The following NT5M variants were observed in gnomAD, a reference collection of about 807,000 sequenced individuals.
The protein encoded by NT5M is 5'(3')-deoxyribonucleotidase, mitochondrial.
Under a neutral mutation model 22.2 loss-of-function variants are expected in NT5M, and 22 were observed. That is an observed-to-expected ratio of 0.99 (90% confidence interval 0.71 to 1.41). The LOEUF (loss-of-function observed/expected upper bound fraction) is 1.41, where lower values mean the gene tolerates loss of function less well. Ranked by LOEUF, NT5M falls within the 40% of genes most tolerant of loss-of-function variation. NT5M has a pLI of 0.00. For synonymous variants in NT5M, 167 were observed against 133.0 expected (o/e 1.26, Z -1.76); for missense variants, 322 against 314.8 (o/e 1.02, Z -0.17).
intron 2 of NT5M, among the ~76,000 whole-genome samples, chr17:17,312,099 T>C (rs1229202757): frequency 6.6e-6 from 1 of 152,130 alleles, no homozygotes; most frequent in Admixed American, 6.5e-5. Context: ...TTCAGTAAAA[T>C]GGAGATAAGG....
intron 2 of NT5M, among the ~76,000 whole-genome samples, chr17:17,314,705 C>T (rs552342732): frequency 8.5e-5 from 13 of 152,310 alleles, no homozygotes; most frequent in African/African-American, 2.2e-4. Context: ...GCTCCTGTCA[C>T]GCTGGCTTCT....
intron 2 of NT5M, among the ~76,000 whole-genome samples, chr17:17,321,179 G>A (rs1186988564): frequency 1.3e-5 from 2 of 151,396 alleles, no homozygotes; most frequent in Non-Finnish European, 2.9e-5. Flanking sequence ...GTGCCAGCAC[G>A]TGTTTGAATG....
chr17:17,316,091 G>C (rs1205894557), intron 2 of NT5M, among the ~76,000 whole-genome samples: 1 of 133,870 alleles, frequency 7.5e-6, no homozygotes, highest in African/African-American at 2.9e-5. Flanking sequence ...ATCTCACTCT[G>C]TCCCCCAGGC....
At chr17:17,312,204 G>A (rs949988622) in intron 2 of NT5M, among the ~76,000 whole-genome samples, 4 of 152,314 alleles carry the variant, frequency 2.6e-5, no homozygotes, top group Middle Eastern at 3.4e-3. Flanking sequence ...TAGGCATATC[G>A]CAAGAAAGGC....
chr17:17,305,090 C>T (rs963638889), intron 1 of NT5M, among the ~76,000 whole-genome samples: 6 of 152,082 alleles, frequency 3.9e-5, no homozygotes, highest in African/African-American at 1.2e-4. Context: ...CATTTATAGG[C>T]AGCGCTCGGC....
chr17:17,323,116 A>G, intron 2 of NT5M, 69 bp from the exon 3 acceptor site: 1 of 1,213,836 alleles, frequency 8.2e-7, no homozygotes, highest in Non-Finnish European at 1.2e-6. Flanking sequence ...AAGGCAGGGC[A>G]GGTGGTGAAG....
rs141920084 is a variant in NT5M at position 17,340,755 on chromosome 17, G to C, written c.430-4039G>C. Among the ~76,000 whole-genome samples, 1,139 of 152,188 alleles carry C rather than the reference G, an allele frequency of 7.5e-3. 10 individuals carry two copies. The highest frequency in any genetic ancestry group is 0.025 in the African/African-American group (1,055 of 41,524). On this transcript the variant is annotated intron_variant, in intron 3 of 4. Coordinates refer to ENST00000389022, the MANE Select transcript of NT5M (RefSeq NM_020201.4). ...TTGGCCAGGCTGGTCTTGATCTCCT[G>C]ACCTTGTGATCTGCCCGCCTTGGCC...
At position 17,303,421 on chromosome 17, in the gene NT5M, C is replaced by G; in HGVS notation, c.-130C>G. The G allele has an allele frequency of 1.0e-6, 1 of 982,446 alleles. No individual in the cohort carries two copies. The highest frequency in any genetic ancestry group is 1.2e-6 in the Non-Finnish European group (1 of 824,918). The allele number at this position is 982,446 out of a possible 1,614,324, so 60.9% of individuals were successfully genotyped here. On this transcript the variant is annotated 5_prime_UTR_variant, in exon 1 of 5. Coordinates refer to ENST00000389022, the MANE Select transcript of NT5M (RefSeq NM_020201.4). ...CCCGCACCCCGCGCTCCCCGCCCCG[C>G]TCCCCGTCCCGCGCTCCACGCGCGC...
intron 2 of NT5M, among the ~76,000 whole-genome samples, chr17:17,312,644 CAA>C (rs35712658): frequency 1.1e-4 from 12 of 107,314 alleles, no homozygotes; most frequent in African/African-American, 1.5e-4. Context: ...AACTCCATCT[CAA>C]AAAAAAAAAA....
At chr17:17,317,633 G>A (rs2145354871) in intron 2 of NT5M, among the ~76,000 whole-genome samples, 1 of 152,226 alleles carries the variant, frequency 6.6e-6, no homozygotes, top group South Asian at 2.1e-4. Flanking sequence ...ATATAAAACA[G>A]TGCAGCCAGT....
intron 3 of NT5M, among the ~76,000 whole-genome samples, chr17:17,330,038 C>T (rs987115715): frequency 5.9e-5 from 9 of 151,902 alleles, no homozygotes; most frequent in Non-Finnish European, 1.3e-4. Context: ...TGGTGGCTCA[C>T]GCCTGTAATC....
Position 17,347,094 on chromosome 17 carries a change from C to T in NT5M, c.*147C>T. Reference sequence around the variant, plus strand: ...GCTGCATGTCCCTTCCCTTCCCCAGCCCTGCCAGGCCTTAACCTGATCACG... The same window carrying T: ...GCTGCATGTCCCTTCCCTTCCCCAGTCCTGCCAGGCCTTAACCTGATCACG... On this transcript the variant is annotated 3_prime_UTR_variant, in exon 5 of 5. Transcript: ENST00000389022. 9.7e-7 allele frequency: 1 copy of T among 1,035,748 alleles called. No homozygotes were observed. The highest frequency in any genetic ancestry group is 1.4e-6 in the Non-Finnish European group (1 of 730,220). 64.2% of individuals were successfully genotyped at this position (1,035,748 alleles called of 1,614,324 possible).
chr17:17,332,748 T>A (rs992978514), intron 3 of NT5M, among the ~76,000 whole-genome samples: 1 of 152,144 alleles, frequency 6.6e-6, no homozygotes, highest in African/African-American at 2.4e-5. Context: ...CCCACCAGTG[T>A]GCACATTATT....
intron 2 of NT5M, among the ~76,000 whole-genome samples, chr17:17,318,570 G>A (rs958699039): frequency 1.3e-4 from 20 of 150,254 alleles, no homozygotes; most frequent in African/African-American, 4.9e-4. Context: ...CGGATCATCT[G>A]AGGTCCGGAG....
At chr17:17,304,697 G>C (rs867084391) in intron 1 of NT5M, among the ~76,000 whole-genome samples, 14 of 152,236 alleles carry the variant, frequency 9.2e-5, no homozygotes, top group Middle Eastern at 3.4e-3. Flanking sequence ...CTGTTTTCCA[G>C]ATGAGGAAAC....
chr17:17,342,572 C>T (rs1303518564), intron 3 of NT5M, among the ~76,000 whole-genome samples: 1 of 152,228 alleles, frequency 6.6e-6, no homozygotes, highest in Non-Finnish European at 1.5e-5. Context: ...CCTGACCCTT[C>T]TCTTCCCACA....
chr17:17,340,429 T>C (rs1039417375), intron 3 of NT5M, among the ~76,000 whole-genome samples: 1 of 152,174 alleles, frequency 6.6e-6, no homozygotes, highest in African/African-American at 2.4e-5. Flanking sequence ...AAACCAACTT[T>C]TTGTTTCTTT....
In NT5M at chr17:17,303,455, T is replaced by G. The variant is rs1220672441; in HGVS notation, c.-96T>G. 10 of 999,904 alleles carry G rather than the reference T, an allele frequency of 1.0e-5. No individual in the cohort carries two copies. The highest frequency in any genetic ancestry group is 6.0e-5 in the Admixed American group (1 of 16,804). The allele number at this position is 999,904 out of a possible 1,614,324, so 61.9% of individuals were successfully genotyped here. A position where few individuals can be genotyped will look rare whatever the true frequency, so the allele number is the denominator to read the frequency against. The stretch of plus-strand genomic sequence containing the variant: ...CCGCGCTCCACGCGCGCCCCAGCGT[T>G]GGGGGCTTCTCCTCCGCGGCGGGAA... On this transcript the variant is annotated 5_prime_UTR_variant, in exon 1 of 5. Transcript: ENST00000389022.
intron 2 of NT5M, among the ~76,000 whole-genome samples, chr17:17,315,887 G>T (rs1394475812): frequency 6.6e-6 from 1 of 151,556 alleles, no homozygotes; most frequent in Non-Finnish European, 1.5e-5. Context: ...AAGTAGCTGG[G>T]ACTACAGGCA....
Sources: allele counts gnomAD v4.1 joint callset (sites outside exome capture counted in the v4.1 genomes callset), GRCh38; gene constraint gnomAD v4.1.1; transcripts MANE v1.5; gene names NCBI Gene and HGNC (gene_info 2026-07-23, HGNC 2026-07-21).